The following SNX27 variants were observed in gnomAD, a reference collection of about 807,000 sequenced individuals.
SNX27 encodes the protein sorting nexin-27.
In SNX27, 22 loss-of-function variants were observed where a neutral mutation model predicts 71.6. That is an observed-to-expected ratio of 0.31 (90% CI 0.22 to 0.44). The LOEUF is 0.44. SNX27 is among the 20% of genes least tolerant of loss of function. The pLI is 1.00. For missense variants in SNX27, 531 were observed against 698.6 expected, an observed-to-expected ratio of 0.76 and a Z score of 2.70; for synonymous variants, 269 against 277.2, an observed-to-expected ratio of 0.97 and a Z score of 0.29.
At chr1:151,638,599 C>A (rs551452457) in intron 1 of SNX27, among the ~76,000 whole-genome samples, 1 of 152,136 alleles carries the variant, frequency 6.6e-6, no homozygotes, top group Non-Finnish European at 1.5e-5. Context: ...TTTGTTTCCT[C>A]CTCAGCTTCA....
chr1:151,627,671 A>G (rs1668008509), intron 1 of SNX27, among the ~76,000 whole-genome samples: 1 of 151,778 alleles, frequency 6.6e-6, no homozygotes, highest in Non-Finnish European at 1.5e-5. Flanking sequence ...CAAACAGTCC[A>G]CCCGCTTTGG....
intron 2 of SNX27, among the ~76,000 whole-genome samples, chr1:151,656,410 T>C (rs898321019): frequency 6.6e-6 from 1 of 152,172 alleles, no homozygotes; most frequent in Non-Finnish European, 1.5e-5. Context: ...GACACTCACA[T>C]GGTCAATAAG....
chr1:151,671,883 CAGTTCTA>C (rs889803638), intron 7 of SNX27, among the ~76,000 whole-genome samples: 7 of 152,030 alleles, frequency 4.6e-5, no homozygotes, highest in Non-Finnish European at 1.0e-4. Flanking sequence ...ATTTATTTAT[CAGTTCTA>C]ATAGTTTTTC....
At chr1:151,662,024 G>A (rs1356484202) in intron 4 of SNX27, 142 bp from the exon 5 acceptor site, 2 of 553,454 alleles carry the variant, frequency 3.6e-6, no homozygotes, top group East Asian at 6.0e-5. Flanking sequence ...TTTATGACTT[G>A]TAAATGTATT....
At position 151,658,401 on chromosome 1, in the gene SNX27, G is replaced by A. The variant is rs1401170320; in HGVS notation, c.710G>A (p.Arg237Gln). Residue 237 changes from arginine (R) to glutamine (Q), a missense_variant, in exon 3 of 12, where the codon CGG (arginine) becomes CAG (glutamine). Around this residue, in one of 5 missense-constraint regions of SNX27, gnomAD observed 184 missense variants for 289.6 expected, o/e 0.64. Transcript: ENST00000458013. ...GAACAACAATTAGATGCCCGACGTC[G>A]GGGATTGGAAGAATATCTAGAAAAA... ...LSEQQLDARR[R>Q]GLEEYLEKVC... 1.2e-6 allele frequency: 2 copies of A among 1,613,786 alleles called. No homozygotes were observed. Among genetic ancestry groups the A allele is most frequent in the Non-Finnish European group, 8.5e-7 (1 of 1,179,964 alleles).
intron 2 of SNX27, among the ~76,000 whole-genome samples, chr1:151,642,033 A>C (rs1013690164): frequency 4.1e-5 from 6 of 148,114 alleles, no homozygotes; most frequent in East Asian, 3.9e-4. Context: ...TGAGATATAT[A>C]TATATCAGAT....
intron 1 of SNX27, chr1:151,615,816 C>T: frequency 1.0e-6 from 1 of 984,932 alleles, no homozygotes; most frequent in Non-Finnish European, 1.2e-6. Context: ...TGTGAAAGAA[C>T]AGAGTAACTT....
At position 151,694,085 on chromosome 1, in the gene SNX27, G is replaced by A. The variant is rs1275869093; in HGVS notation, c.1579-285G>A. ...ATTGGGCTCTGGGAATTTTATCTGG[G>A]TTTTCTCCTGGCTTTTTTTTCCCTC... is the stretch of plus-strand genomic sequence containing the variant. On this transcript the variant is annotated intron_variant, in intron 11 of 11. Coordinates refer to ENST00000458013, the MANE Select transcript of SNX27 (RefSeq NM_001330723.2). 1.2e-5 allele frequency: 15 copies of A among 1,243,536 alleles called. No individual in the cohort carries two copies. In the East Asian group the frequency reaches 5.2e-4, roughly 43 times the overall value. The allele number at this position is 1,243,536 out of a possible 1,614,324, so 77.0% of individuals were successfully genotyped here.
chr1:151,657,482 A>G (rs6690942), intron 2 of SNX27, among the ~76,000 whole-genome samples: 23,208 of 151,992 alleles, frequency 0.15, 2,282 homozygotes, highest in Middle Eastern at 0.29. Context: ...CGCTTACATC[A>G]TTTTTAGGCC....
At chr1:151,669,670 T>C (rs1301123525) in intron 7 of SNX27, among the ~76,000 whole-genome samples, 1 of 152,340 alleles carries the variant, frequency 6.6e-6, no homozygotes, top group South Asian at 2.1e-4. Flanking sequence ...ACATTGTTTG[T>C]TTTGTTTTGC....
intron 1 of SNX27, among the ~76,000 whole-genome samples, chr1:151,620,753 G>A (rs997550781): frequency 1.3e-5 from 2 of 149,526 alleles, no homozygotes; most frequent in Non-Finnish European, 3.0e-5. Context: ...GCAGTGGCAC[G>A]ATCTCGGCTC....
At chr1:151,629,875 G>A (rs1668134512) in intron 1 of SNX27, among the ~76,000 whole-genome samples, 1 of 151,616 alleles carries the variant, frequency 6.6e-6, no homozygotes, top group Non-Finnish European at 1.5e-5. Flanking sequence ...CAATGTGCCC[G>A]GCCACTGTTC....
Position 151,680,786 on chromosome 1 carries a change from C to G in SNX27, c.1150-2570C>G, listed in dbSNP as rs185997845. On this transcript the variant is annotated intron_variant, in intron 7 of 11. Transcript: ENST00000458013. ...CCAGTATTGTTTATTTATTTCCCCC[C>G]TCTACTTCTCTGCTGGCTTTTCAAT... Among the ~76,000 whole-genome samples, 103 of 152,284 alleles carry G rather than the reference C, an allele frequency of 6.8e-4. 1 individual carries two copies. Among genetic ancestry groups the G allele is most frequent in the African/African-American group, 2.4e-3 (99 of 41,560 alleles).
At chr1:151,684,816 G>GT (rs944807342) in intron 8 of SNX27, among the ~76,000 whole-genome samples, 224 of 148,612 alleles carry the variant, frequency 1.5e-3, no homozygotes, top group South Asian at 4.1e-3. Context: ...TATTTAAACT[G>GT]TTTTTTTTTT....
chr1:151,655,958 T>A (rs1426638564), intron 2 of SNX27, among the ~76,000 whole-genome samples: 1 of 152,186 alleles, frequency 6.6e-6, no homozygotes, highest in Non-Finnish European at 1.5e-5. Context: ...GACACGGGTC[T>A]CACACCTGTA....
Position 151,692,432 on chromosome 1 carries a change from T to TTTTTTTAAAAAAAA in SNX27, c.1240-3_1240-2insTTTTTTAAAAAAAA. 6.9e-7 allele frequency: 1 copy of TTTTTTTAAAAAAAA among 1,452,062 alleles called. No homozygotes were observed. The highest frequency in any genetic ancestry group is 9.1e-7 in the Non-Finnish European group (1 of 1,101,922). 89.9% of individuals were successfully genotyped at this position (1,452,062 alleles called of 1,614,324 possible). A position where few individuals can be genotyped will look rare whatever the true frequency, so the allele number is the denominator to read the frequency against. ...TTTTTTTTTTTTTTTTTTTTTTTTT[T>TTTTTTTAAAAAAAA]AGTACCTCAACATGCTAAGGACTTG... On this transcript the variant is annotated splice_polypyrimidine_tract_variant and splice_region_variant and intron_variant, in intron 8 of 11. Transcript: ENST00000458013.
chr1:151,627,648 G>A (rs969314665), intron 1 of SNX27, among the ~76,000 whole-genome samples: 2 of 151,562 alleles, frequency 1.3e-5, no homozygotes, highest in Non-Finnish European at 2.9e-5. Flanking sequence ...GGCTGGTCTC[G>A]AACTCCTGGG....
chr1:151,626,570 C>T (rs1395594877), intron 1 of SNX27, among the ~76,000 whole-genome samples: 4 of 152,070 alleles, frequency 2.6e-5, no homozygotes, highest in Non-Finnish European at 5.9e-5. Flanking sequence ...GGTGTGGTGG[C>T]GTGCCCCTGT....
At chr1:151,656,005 C>G (rs1455078061) in intron 2 of SNX27, among the ~76,000 whole-genome samples, 1 of 152,054 alleles carries the variant, frequency 6.6e-6, no homozygotes, top group Non-Finnish European at 1.5e-5. Context: ...GGGTGGATCA[C>G]GAGCTCAAGA....
Sources: allele counts gnomAD v4.1 joint callset (sites outside exome capture counted in the v4.1 genomes callset), GRCh38; gene constraint gnomAD v4.1.1; regional missense constraint gnomAD v4.1.1; transcripts MANE v1.5; gene names NCBI Gene and HGNC (gene_info 2026-07-23, HGNC 2026-07-21).